The following TRAPPC9 variants were observed in gnomAD, a reference collection of about 807,000 sequenced individuals.
TRAPPC9 encodes the protein IKK2 binding protein.
TRAPPC9 carries 83 observed loss-of-function variants against 124.0 expected under a neutral mutation model. The ratio of observed to expected loss-of-function variants is 0.67; its 90% confidence interval spans 0.56 to 0.80. The LOEUF is 0.80. TRAPPC9 is among the 30% of genes least tolerant of loss of function. The pLI is 0.00. For synonymous variants in TRAPPC9, 638 were observed against 617.5 expected, an observed-to-expected ratio of 1.03 and a Z score of -0.49; for missense variants, 1,302 against 1,508.3, an observed-to-expected ratio of 0.86 and a Z score of 2.27.
chr8:139,962,595 A>G (rs36156567), intron 19 of TRAPPC9, among the ~76,000 whole-genome samples: 92,893 of 122,188 alleles, frequency 0.76, 40,793 homozygotes, highest in East Asian at 0.98. Context: ...GGACCTTGAC[A>G]TGGTGCCAGA....
intron 9 of TRAPPC9, among the ~76,000 whole-genome samples, chr8:140,319,538 C>T (rs532745368): frequency 6.6e-6 from 1 of 152,036 alleles, no homozygotes; most frequent in Admixed American, 6.5e-5. Context: ...TACAGTGGCG[C>T]GATCTGCAAC....
At chr8:140,243,024 A>G (rs1352139505) in intron 16 of TRAPPC9, among the ~76,000 whole-genome samples, 1 of 152,202 alleles carries the variant, frequency 6.6e-6, no homozygotes, top group African/African-American at 2.4e-5. Context: ...CGGCTGAGGG[A>G]CTGGTACAAA....
Position 139,910,135 on chromosome 8 carries a change from G to A in TRAPPC9, c.2964+12C>T, listed in dbSNP as rs377047819. 22 of 1,613,968 alleles carry A rather than the reference G, an allele frequency of 1.4e-5. No individual in the cohort carries two copies. In the African/African-American group the frequency reaches 2.8e-4, roughly 21 times the overall value. On this transcript the variant is annotated intron_variant, in intron 20 of 22. Transcript: ENST00000438773. Reference sequence around the variant, plus strand: ...GTGCCCCCAGGCCCAGGTGGCCCCTGGAAAAGGATATGATTCTCCAGCAGA... The same window carrying A: ...GTGCCCCCAGGCCCAGGTGGCCCCTAGAAAAGGATATGATTCTCCAGCAGA...
At chr8:139,873,276 A>C (rs1014170895) in intron 21 of TRAPPC9, among the ~76,000 whole-genome samples, 1 of 152,156 alleles carries the variant, frequency 6.6e-6, no homozygotes, top group Non-Finnish European at 1.5e-5. Flanking sequence ...CATTTTCCTC[A>C]TGGATAGAAA....
chr8:139,777,024 C>T, intron 21 of TRAPPC9, among the ~76,000 whole-genome samples: 1 of 152,130 alleles, frequency 6.6e-6, no homozygotes, highest in African/African-American at 2.4e-5. Flanking sequence ...CCACACTAGG[C>T]CCTTCCACTC....
chr8:139,755,415 G>C (rs1819658603), intron 21 of TRAPPC9, among the ~76,000 whole-genome samples: 2 of 149,466 alleles, frequency 1.3e-5, no homozygotes, highest in Non-Finnish European at 1.5e-5. Flanking sequence ...GAAGAGCCAG[G>C]GTTTGGGGAT....
At chr8:139,792,192 TCAGA>T (rs1822738564) in intron 21 of TRAPPC9, among the ~76,000 whole-genome samples, 1 of 152,096 alleles carries the variant, frequency 6.6e-6, no homozygotes, top group Non-Finnish European at 1.5e-5. Flanking sequence ...AGACAGACAC[TCAGA>T]CAGCAGGTTT....
intron 17 of TRAPPC9, among the ~76,000 whole-genome samples, chr8:140,038,533 T>A (rs1319958066): frequency 1.3e-5 from 2 of 152,184 alleles, no homozygotes; most frequent in African/African-American, 2.4e-5. Context: ...ACACAAGGTG[T>A]GTGTGGATGG....
chr8:139,767,151 G>C (rs901931335), intron 21 of TRAPPC9, among the ~76,000 whole-genome samples: 3 of 152,214 alleles, frequency 2.0e-5, no homozygotes, highest in Non-Finnish European at 2.9e-5. Flanking sequence ...ATTTAGTGGA[G>C]ACCTGGCGAG....
intron 16 of TRAPPC9, among the ~76,000 whole-genome samples, chr8:140,231,493 T>C (rs1394768227): frequency 7.2e-5 from 9 of 125,378 alleles, no homozygotes; most frequent in African/African-American, 2.2e-4. Context: ...TTTTTTTTTT[T>C]TTTTTTTTTT....
chr8:140,252,924 A>G lies in TRAPPC9; in HGVS notation c.2284T>C (p.Leu762=), dbSNP rs1588018084. 2 of 1,613,732 alleles carry G rather than the reference A, an allele frequency of 1.2e-6. No individual in the cohort carries two copies. The highest frequency in any genetic ancestry group is 1.3e-5 in the African/African-American group (1 of 75,026). The stretch of plus-strand genomic sequence containing the variant: ...TTCCAGCTCAAGAAGTCGCCATACA[A>G]TTTTTCTGTAATAATAACAATGACA... ...TSKVLTTKEK[L]YGDFLSWKLE... is the part of the protein sequence containing the mutation. Residue 762 remains leucine (L), a synonymous_variant, in exon 16 of 23, where the codon TTG becomes CTG. Transcript: ENST00000438773. The surrounding 1 kb of genome is among the most constrained non-coding windows in gnomAD (Gnocchi z 4.2).
At chr8:140,458,328 C>T (rs886062730), upstream of TRAPPC9, 25 of 1,578,496 alleles carry the variant, frequency 1.6e-5, no homozygotes, top group Non-Finnish European at 2.2e-5. Context: ...CTGTGAAGCT[C>T]AGGGGTGGAG....
chr8:140,364,293 A>C (rs1396304232), intron 8 of TRAPPC9, among the ~76,000 whole-genome samples: 6 of 101,960 alleles, frequency 5.9e-5, no homozygotes, highest in African/African-American at 2.6e-4. Flanking sequence ...CAAAGGATGC[A>C]AAAAAAAAAA....
At chr8:139,979,673 A>G (rs1836750948) in intron 19 of TRAPPC9, among the ~76,000 whole-genome samples, 1 of 152,168 alleles carries the variant, frequency 6.6e-6, no homozygotes, top group African/African-American at 2.4e-5. Context: ...TCTGAGGTGG[A>G]AAACAACAAA....
chr8:139,952,745 A>G (rs1834721402), intron 19 of TRAPPC9, among the ~76,000 whole-genome samples: 1 of 152,252 alleles, frequency 6.6e-6, no homozygotes, highest in African/African-American at 2.4e-5. Context: ...TCACACTGCC[A>G]GGGTGGTGGC....
chr8:139,772,662 G>A (rs192978595), intron 21 of TRAPPC9, among the ~76,000 whole-genome samples: 1 of 152,198 alleles, frequency 6.6e-6, no homozygotes, highest in Non-Finnish European at 1.5e-5. Flanking sequence ...TAATCTTTGT[G>A]CAGCTCTATT....
At chr8:140,183,005 C>T (rs1243717165) in intron 17 of TRAPPC9, among the ~76,000 whole-genome samples, 1 of 151,668 alleles carries the variant, frequency 6.6e-6, no homozygotes, top group Non-Finnish European at 1.5e-5. Flanking sequence ...TTATTTCTCA[C>T]AGAAAACTCT....
rs547232115 is a variant in TRAPPC9, at chr8:140,357,835, T to C, written c.1495+2215A>G. 2.0e-5 allele frequency among the ~76,000 whole-genome samples: 3 copies of C among 152,200 alleles called. No homozygotes were observed. In the East Asian group the frequency reaches 5.8e-4, roughly 29 times the overall value. Reference sequence around the variant, plus strand: ...GCTGGCCACCTGCTCACTCTGCAGGTACAATCAAGAAAAGCACAGTTCAAA... The same window carrying C: ...GCTGGCCACCTGCTCACTCTGCAGGCACAATCAAGAAAAGCACAGTTCAAA... On this transcript the variant is annotated intron_variant, in intron 9 of 22. Transcript: ENST00000438773.
chr8:140,181,696 A>G (rs1209204235), intron 17 of TRAPPC9, among the ~76,000 whole-genome samples: 1 of 152,086 alleles, frequency 6.6e-6, no homozygotes, highest in Non-Finnish European at 1.5e-5. Flanking sequence ...CATTCTGACC[A>G]TATCAAACAG....
Sources: allele counts gnomAD v4.1 joint callset (sites outside exome capture counted in the v4.1 genomes callset), GRCh38; gene constraint gnomAD v4.1.1; non-coding constraint Gnocchi (gnomAD v3.1); transcripts MANE v1.5; gene names NCBI Gene and HGNC (gene_info 2026-07-23, HGNC 2026-07-21).